Variants in SLC25A25 observed in about 807,000 individuals in gnomAD.
SLC25A25 encodes solute carrier family 25 member 25, also known as mitochondrial adenyl nucleotide antiporter SLC25A25.
SLC25A25 carries 32 observed loss-of-function variants against 57.7 expected under a neutral mutation model. The ratio of observed to expected loss-of-function variants is 0.55; its 90% CI spans 0.42 to 0.74. The LOEUF (loss-of-function observed/expected upper bound fraction) is 0.74, where lower values mean the gene tolerates loss of function less well. Among genes scored for constraint, SLC25A25 ranks in the 30% least tolerant of loss-of-function variants. The pLI is 0.00. For synonymous variants in SLC25A25, 306 were observed against 291.2 expected (o/e 1.05, Z -0.52); for missense variants, 556 against 701.3 (o/e 0.79, Z 2.34).
At chr9:128,100,962 C>A in intron 1 of SLC25A25, 134 bp from the exon 2 acceptor site, 1 of 1,214,642 alleles carries the variant, frequency 8.2e-7, no homozygotes, top group Non-Finnish European at 1.1e-6. Context: ...GAGAGTGGAG[C>A]AGAAGCATCT....
At chr9:128,105,697 G>T in intron 6 of SLC25A25, 32 bp from the exon 7 acceptor site, 1 of 1,611,568 alleles carries the variant, frequency 6.2e-7, no homozygotes, top group South Asian at 1.1e-5. Context: ...TGGCCCCCCG[G>T]GTCCGTCTGA....
rs1355731170 is a variant in SLC25A25, at chr9:128,068,600, A to T, written c.261+20A>T. ...CTCCAGGTAGGCTGCGCGCGTCCTCAGCACTGGCGGGGAGGGAGCCCCTCG... is the reference window on the plus strand; with the variant it reads ...CTCCAGGTAGGCTGCGCGCGTCCTCTGCACTGGCGGGGAGGGAGCCCCTCG... On this transcript the variant is annotated intron_variant, in intron 1 of 10. Transcript: ENST00000373069. 4.3e-6 allele frequency: 6 copies of T among 1,406,970 alleles called. No individual in the cohort carries two copies. In the East Asian group the frequency reaches 1.7e-4, roughly 39 times the overall value. The allele number at this position is 1,406,970 out of a possible 1,614,324, so 87.2% of individuals were successfully genotyped here.
At chr9:128,107,001 C>T (rs768522124) in intron 9 of SLC25A25, 28 bp from the exon 10 acceptor site, 9 of 1,608,882 alleles carry the variant, frequency 5.6e-6, no homozygotes, top group East Asian at 4.5e-5. Flanking sequence ...CTTCCTAGGG[C>T]TTATCCCATG....
At chr9:128,083,656 C>T (rs1455848811) in intron 1 of SLC25A25, among the ~76,000 whole-genome samples, 1 of 148,978 alleles carries the variant, frequency 6.7e-6, no homozygotes, top group Non-Finnish European at 1.5e-5. Context: ...ACTACAGGCA[C>T]CCAACACCAC....
At chr9:128,073,838 A>G (rs1832954334) in intron 1 of SLC25A25, among the ~76,000 whole-genome samples, 1 of 151,434 alleles carries the variant, frequency 6.6e-6, no homozygotes, top group Non-Finnish European at 1.5e-5. Context: ...CGGTTCAAGC[A>G]ATTCTTTGCC....
intron 1 of SLC25A25, among the ~76,000 whole-genome samples, chr9:128,071,431 G>T (rs1165079517): frequency 1.3e-5 from 2 of 152,020 alleles, no homozygotes; most frequent in Non-Finnish European, 2.9e-5. Flanking sequence ...TTCTGAGATG[G>T]AGTTGCACTT....
rs564548157 is a variant in SLC25A25, at chr9:128,102,035, G to A, written c.477-45G>A. On this transcript the variant is annotated intron_variant, in intron 3 of 10. Coordinates refer to ENST00000373069, the MANE Select transcript of SLC25A25 (RefSeq NM_001330988.2). The surrounding 1 kb of genome is among the most constrained non-coding windows in gnomAD (Gnocchi z 4.1). ...CTAACATGGCTCCGAGCACTTATGCGTGTTGTTTCTGCTCTCTCCTCCGCA... is the reference window on the plus strand; with the variant it reads ...CTAACATGGCTCCGAGCACTTATGCATGTTGTTTCTGCTCTCTCCTCCGCA... The A allele has an allele frequency of 2.8e-5, 44 of 1,549,992 alleles. No individual in the cohort carries two copies. The highest frequency in any genetic ancestry group is 1.8e-4 in the South Asian group (15 of 84,062).
intron 1 of SLC25A25, among the ~76,000 whole-genome samples, chr9:128,093,663 A>T (rs560446111): frequency 6.6e-6 from 1 of 152,372 alleles, no homozygotes; most frequent in Non-Finnish European, 1.5e-5. Context: ...CCAGAGAGAA[A>T]GCAAATCTGA....
Position 128,068,486 on chromosome 9 carries a change from C to T in SLC25A25, c.167C>T (p.Thr56Met). 6.6e-7 allele frequency: 1 copy of T among 1,516,134 alleles called. No homozygotes were observed. Among genetic ancestry groups the T allele is most frequent in the Non-Finnish European group, 8.8e-7 (1 of 1,138,206 alleles). 93.9% of individuals were successfully genotyped at this position (1,516,134 alleles called of 1,614,324 possible). ...CTGCGCCTGTGGAGACTCTTTCAGA[C>T]GCTCGACGTCAACCGGGACGGCGGC... ...HRLRLWRLFQ[T>M]LDVNRDGGLC... The change falls in exon 1 of 11, where the codon ACG (threonine) becomes ATG (methionine). Residue 56 changes from threonine (T) to methionine (M), a missense_variant. By Grantham distance (81) the Thr-to-Met change is moderately conservative (BLOSUM62 -1). This residue lies in a region of SLC25A25 where 248 missense variants were observed against 273.5 expected (regional missense o/e 0.91). Coordinates refer to ENST00000373069, the MANE Select transcript of SLC25A25 (RefSeq NM_001330988.2).
chr9:128,094,759 A>G (rs1833511914), intron 1 of SLC25A25, among the ~76,000 whole-genome samples: 1 of 152,308 alleles, frequency 6.6e-6, no homozygotes, highest in South Asian at 2.1e-4. Flanking sequence ...GGCATGTAAC[A>G]TAGTGGTAGA....
Position 128,101,412 on chromosome 9 carries a change from G to A in SLC25A25, c.476+16G>A, listed in dbSNP as rs757343353. On this transcript the variant is annotated intron_variant, in intron 3 of 10. Coordinates refer to ENST00000373069, the MANE Select transcript of SLC25A25 (RefSeq NM_001330988.2). The surrounding 1 kb of genome is among the most constrained non-coding windows in gnomAD (Gnocchi z 4.9). ...TTCTCAAGAGGTGAGTGCTCAGCCA[G>A]CCTCTGTGTTTGGTTTAAGTGTGAT... 4 of 1,613,160 alleles carry A rather than the reference G, an allele frequency of 2.5e-6. No homozygotes were observed. In the East Asian group the frequency reaches 8.9e-5, roughly 36 times the overall value.
intron 6 of SLC25A25, 107 bp from the exon 7 acceptor site, chr9:128,105,622 A>G: frequency 6.5e-7 from 1 of 1,543,052 alleles, no homozygotes; most frequent in Non-Finnish European, 8.9e-7. Flanking sequence ...GCACGGAAGA[A>G]AGGGCCTTCC....
intron 1 of SLC25A25, chr9:128,098,403 G>T: frequency 1.5e-6 from 2 of 1,343,792 alleles, no homozygotes; most frequent in South Asian, 3.6e-5. Flanking sequence ...AGGACTTGCC[G>T]TGGGAGGGCT....
chr9:128,101,515 A>G lies in SLC25A25; in HGVS notation c.476+119A>G. On this transcript the variant is annotated intron_variant, in intron 3 of 10. Transcript: ENST00000373069. This position sits in a 1 kb window ranked among gnomAD's most constrained non-coding sequence, Gnocchi z 4.9. ...GAACTTGGCCTTCTCGTGGTTTGAA[A>G]GGATGAATAAGTAACCCCTGTGGGA... 1 of 1,106,658 alleles carries G rather than the reference A, an allele frequency of 9.0e-7. No individual in the cohort carries two copies. Among genetic ancestry groups the G allele is most frequent in the Non-Finnish European group, 1.3e-6 (1 of 766,140 alleles). The allele number at this position is 1,106,658 out of a possible 1,614,324, so 68.6% of individuals were successfully genotyped here.
chr9:128,075,338 C>T (rs1054403501), intron 1 of SLC25A25, among the ~76,000 whole-genome samples: 3 of 151,836 alleles, frequency 2.0e-5, no homozygotes, highest in Middle Eastern at 3.4e-3. Context: ...TGAGAGAGCA[C>T]GAGCCTGTCT....
chr9:128,090,770 C>T (rs1444709025), intron 1 of SLC25A25, among the ~76,000 whole-genome samples: 1 of 152,136 alleles, frequency 6.6e-6, no homozygotes, highest in African/African-American at 2.4e-5. Context: ...CAAGAGCGAC[C>T]CACTGCGCTC....
Position 128,107,731 on chromosome 9 carries a change from T to G in SLC25A25, c.*287T>G. On this transcript the variant is annotated 3_prime_UTR_variant, in exon 11 of 11. Transcript: ENST00000373069. ...TGTAAGGACAGGACATTTTCTGCAG[T>G]GCCTGCCAATAGCGAGCTTGGAGCC... 1 of 409,882 alleles carries G rather than the reference T, an allele frequency of 2.4e-6. No homozygotes were observed. Among genetic ancestry groups the G allele is most frequent in the Non-Finnish European group, 4.3e-6 (1 of 232,332 alleles). 25.4% of individuals were successfully genotyped at this position (409,882 alleles called of 1,614,324 possible).
chr9:128,069,918 A>ATTTTT (rs758820179), intron 1 of SLC25A25, among the ~76,000 whole-genome samples: 10 of 103,026 alleles, frequency 9.7e-5, no homozygotes, highest in East Asian at 3.1e-4. Flanking sequence ...CACCCAGCTA[A>ATTTTT]TTTTTTTTTT....
At chr9:128,068,702 CT>C in intron 1 of SLC25A25, 122 bp downstream of exon 1, 2 of 1,108,552 alleles carry the variant, frequency 1.8e-6, no homozygotes, top group Non-Finnish European at 2.4e-6. Context: ...AGGGTGCCCC[CT>C]GACTCACTGA....
Sources: gnomAD v4.1 joint callset for allele counts (sites outside exome capture counted in the v4.1 genomes callset) on GRCh38, gnomAD v4.1.1 for gene constraint, gnomAD v4.1.1 regional missense constraint, Gnocchi (gnomAD v3.1) non-coding constraint, MANE v1.5 for transcripts, NCBI Gene and HGNC (gene_info 2026-07-23, HGNC 2026-07-21) for gene names.